Variants in DNAH12 observed in about 807,000 individuals in gnomAD.
DNAH12 encodes dynein axonemal heavy chain 12.
DNAH12 carries 285 observed loss-of-function variants against 371.5 expected under a neutral mutation model. The ratio of observed to expected loss-of-function variants is 0.77; its 90% confidence interval spans 0.70 to 0.85. DNAH12 has a LOEUF of 0.85. Among genes scored for constraint, DNAH12 ranks in the 40% least tolerant of loss-of-function variants. The probability of loss-of-function intolerance (pLI) is 0.00; values close to 1 mark genes in which losing one functional copy is unlikely to be tolerated. For synonymous variants in DNAH12, 1,200 were observed against 1,213.0 expected, an observed-to-expected ratio of 0.99 and a Z score of 0.22; for missense variants, 3,611 against 3,689.4, an observed-to-expected ratio of 0.98 and a Z score of 0.55.
chr3:57,346,785 T>C (rs2153318577), intron 60 of DNAH12, among the ~76,000 whole-genome samples: 1 of 152,126 alleles, frequency 6.6e-6, no homozygotes, highest in East Asian at 1.9e-4. Context: ...ATGCTAACAC[T>C]AATGAAGGGG....
chr3:57,351,238 C>T (rs906272144), intron 60 of DNAH12, among the ~76,000 whole-genome samples: 1 of 151,878 alleles, frequency 6.6e-6, no homozygotes, highest in Non-Finnish European at 1.5e-5. Flanking sequence ...AACCGCATTC[C>T]AGCCTGGGCA....
chr3:57,488,399 G>T (rs2067007278), intron 12 of DNAH12, among the ~76,000 whole-genome samples: 3 of 151,910 alleles, frequency 2.0e-5, no homozygotes, highest in African/African-American at 7.3e-5. Flanking sequence ...TCACCATGTT[G>T]GCCAGGCTGG....
Position 57,446,060 on chromosome 3 carries a change from CT to C in DNAH12, c.4149del (p.Gly1384AspfsTer18). On this transcript the variant is annotated frameshift_variant, in exon 27 of 74. Transcript: ENST00000495027. LOFTEE classifies it high-confidence loss of function. ...FVAITMNPGY[A>X]GRSELPDNLK... The stretch of plus-strand genomic sequence containing the variant: ...AGATTGTCCGGCAATTCAGAGCGTC[CT>C]GCATAGCCAGGATTCATGGTAATAG... The C allele has an allele frequency of 6.4e-7, 1 of 1,551,428 alleles. No homozygotes were observed. The highest frequency in any genetic ancestry group is 1.2e-5 in the South Asian group (1 of 84,016).
intron 45 of DNAH12, among the ~76,000 whole-genome samples, chr3:57,391,402 C>T (rs965326952): frequency 3.3e-5 from 5 of 152,156 alleles, no homozygotes; most frequent in Admixed American, 1.3e-4. Flanking sequence ...CTGAGCCTGC[C>T]GGCCTTCAGA....
chr3:57,451,935 T>C (rs973116240), intron 25 of DNAH12, among the ~76,000 whole-genome samples: 1 of 152,144 alleles, frequency 6.6e-6, no homozygotes, highest in African/African-American at 2.4e-5. Context: ...AGTATGTCAA[T>C]GTATAAAAGT....
chr3:57,384,435 G>C (rs929496531), intron 49 of DNAH12, among the ~76,000 whole-genome samples: 3,590 of 152,180 alleles, frequency 0.024, 66 homozygotes, highest in Admixed American at 0.035. Context: ...CCAGGAATTT[G>C]AGACCAACCT....
intron 70 of DNAH12, among the ~76,000 whole-genome samples, chr3:57,300,356 GATA>G (rs2061320483): frequency 6.6e-6 from 1 of 152,158 alleles, no homozygotes. Context: ...GAGAAAGAAA[GATA>G]ATGAGAGAAC....
chr3:57,322,626 T>C, intron 64 of DNAH12, 143 bp from the exon 65 acceptor site: 1 of 1,036,978 alleles, frequency 9.6e-7, no homozygotes, highest in Non-Finnish European at 1.3e-6. Context: ...ATCTGAGGCT[T>C]GATTAAGATA....
rs1213082037 is a variant in DNAH12 at position 57,470,599 on chromosome 3, T to C, written c.1949A>G (p.Gln650Arg). 6 of 1,542,792 alleles carry C rather than the reference T, an allele frequency of 3.9e-6. No homozygotes were observed. In the South Asian group the frequency reaches 7.4e-5, roughly 19 times the overall value. ...TDVRQLQKRI[Q>R]ESEEAVQFIN... is the part of the protein sequence containing the mutation. Reference sequence around the variant, plus strand: ...AAACTGCACTGCTTCTTCAGATTCCTGAATACGTTTTTGTAGTTGTCTTAC... The same window carrying C: ...AAACTGCACTGCTTCTTCAGATTCCCGAATACGTTTTTGTAGTTGTCTTAC... Residue 650 changes from glutamine to arginine, a missense_variant, in exon 16 of 74, where the codon CAG becomes CGG. Physicochemically the swap from Gln to Arg is conservative, Grantham distance 43. Around this residue, in one of 3 missense-constraint regions of DNAH12, gnomAD observed 1,314 missense variants for 1,398.7 expected, o/e 0.94. Transcript: ENST00000495027.
chr3:57,374,437 A>G (rs956003457), intron 55 of DNAH12, among the ~76,000 whole-genome samples: 9 of 152,176 alleles, frequency 5.9e-5, no homozygotes, highest in South Asian at 4.1e-4. Context: ...CTCAAAGGAA[A>G]GTAGTTTTCC....
rs368476584 is a variant in DNAH12 at position 57,480,406 on chromosome 3, C to A, written c.1650+2970G>T. 3.3e-5 allele frequency among the ~76,000 whole-genome samples: 5 copies of A among 151,828 alleles called. No individual in the cohort carries two copies. In the East Asian group the frequency reaches 7.7e-4, roughly 23 times the overall value. On this transcript the variant is annotated intron_variant, in intron 13 of 73. Transcript: ENST00000495027. ...AATCTCTGAATAGACCAATAACAGG[C>A]TCTGAAATTGAGGCAATAATTAATA...
intron 44 of DNAH12, among the ~76,000 whole-genome samples, chr3:57,392,428 T>A (rs1240633903): frequency 6.6e-6 from 1 of 152,106 alleles, no homozygotes; most frequent in Admixed American, 6.6e-5. Flanking sequence ...ATATTAGCAT[T>A]TTATACAACA....
At chr3:57,323,296 C>T in intron 63 of DNAH12, 36 bp from the exon 64 acceptor site, 1 of 1,530,564 alleles carries the variant, frequency 6.5e-7, no homozygotes, top group African/African-American at 1.4e-5. Flanking sequence ...ACACTACTTA[C>T]TCTAAAATTA....
At chr3:57,499,803 A>C (rs2067469224) in intron 11 of DNAH12, among the ~76,000 whole-genome samples, 1 of 147,924 alleles carries the variant, frequency 6.8e-6, no homozygotes, top group East Asian at 2.0e-4. Flanking sequence ...ATGCCACTGC[A>C]CTCCAGCCTG....
intron 58 of DNAH12, among the ~76,000 whole-genome samples, chr3:57,362,456 T>C (rs1341003243): frequency 6.6e-6 from 1 of 152,228 alleles, no homozygotes; most frequent in Non-Finnish European, 1.5e-5. Flanking sequence ...TCTTCCACAA[T>C]GGTTGAAGTA....
intron 62 of DNAH12, among the ~76,000 whole-genome samples, chr3:57,328,028 G>C (rs1315066570): frequency 6.6e-6 from 1 of 151,330 alleles, no homozygotes; most frequent in African/African-American, 2.4e-5. Flanking sequence ...TTGAATCTCT[G>C]AATAGACCAA....
chr3:57,424,230 G>T (rs545907438), intron 35 of DNAH12, among the ~76,000 whole-genome samples: 45 of 152,038 alleles, frequency 3.0e-4, no homozygotes, highest in African/African-American at 9.4e-4. Flanking sequence ...AGCACTTTGG[G>T]AGACCGAGGT....
rs868283922 is a variant in DNAH12 at position 57,314,590 on chromosome 3, G to C, written c.10566C>G (p.Ala3522=). The C allele has an allele frequency of 6.5e-7, 1 of 1,548,740 alleles. No individual in the cohort carries two copies. Among genetic ancestry groups the C allele is most frequent in the Non-Finnish European group, 8.7e-7 (1 of 1,146,344 alleles). Residue 3522 remains alanine (A), a synonymous_variant, in exon 66 of 74, where the codon GCC becomes GCG. Coordinates refer to ENST00000495027, the MANE Select transcript of DNAH12 (RefSeq NM_001366028.2). ...KLLFGVCFFH[A]LVQERKKFGP... ...CAAATTTCTTTCTCTCTTGCACAAG[G>C]GCATGAAAAAAACAAACTCCAAACA...
At chr3:57,475,066 T>C (rs1236988462) in intron 13 of DNAH12, among the ~76,000 whole-genome samples, 2 of 152,180 alleles carry the variant, frequency 1.3e-5, no homozygotes, top group South Asian at 2.1e-4. Flanking sequence ...TCAATAAATA[T>C]GTATTTGCTC....
Sources: allele counts gnomAD v4.1 joint callset (sites outside exome capture counted in the v4.1 genomes callset), GRCh38; gene constraint gnomAD v4.1.1; regional missense constraint gnomAD v4.1.1; transcripts MANE v1.5; gene names NCBI Gene and HGNC (gene_info 2026-07-23, HGNC 2026-07-21).